The following DSE variants were observed in gnomAD, a reference collection of about 807,000 sequenced individuals.
The protein encoded by DSE is dermatan-sulfate epimerase.
DSE carries 36 observed loss-of-function variants against 84.4 expected under a neutral mutation model. That is an observed-to-expected ratio of 0.43 (90% CI 0.33 to 0.56). The LOEUF (loss-of-function observed/expected upper bound fraction) is 0.56, where lower values mean the gene tolerates loss of function less well. DSE is among the 20% of genes least tolerant of loss of function. The pLI is 0.06. For missense variants in DSE, 862 were observed against 1,169.6 expected (o/e 0.74, Z 3.84); for synonymous variants, 410 against 430.1 (o/e 0.95, Z 0.58).
At chr6:116,404,418 A>G (rs1781788172) in intron 2 of DSE, among the ~76,000 whole-genome samples, 1 of 152,266 alleles carries the variant, frequency 6.6e-6, no homozygotes, top group African/African-American at 2.4e-5. Context: ...ATTTCCAAGC[A>G]GCAGGCTTTT....
chr6:116,371,817 C>T (rs946089397), intron 1 of DSE, among the ~76,000 whole-genome samples: 3 of 152,224 alleles, frequency 2.0e-5, no homozygotes, highest in Admixed American at 1.3e-4. Context: ...GGCTCAAGAT[C>T]TGTCGGGGCT....
intron 1 of DSE, among the ~76,000 whole-genome samples, chr6:116,391,787 A>G (rs1422327420): frequency 6.8e-6 from 1 of 147,286 alleles, no homozygotes; most frequent in East Asian, 2.0e-4. Flanking sequence ...AAAAAAAAGG[A>G]GCTCTCAGTT....
chr6:116,343,193 G>T (rs1030409145), intron 2 of DSE, among the ~76,000 whole-genome samples: 1 of 152,212 alleles, frequency 6.6e-6, no homozygotes, highest in African/African-American at 2.4e-5. Flanking sequence ...AGGCCTACCT[G>T]CCTCTGTAGA....
chr6:116,264,616 T>C (rs1772542836), intron 2 of DSE, among the ~76,000 whole-genome samples: 1 of 152,150 alleles, frequency 6.6e-6, no homozygotes, highest in Non-Finnish European at 1.5e-5. Flanking sequence ...ACTGGAGATG[T>C]GAGCCCATCC....
At chr6:116,403,458 A>G (rs1241406642) in intron 2 of DSE, among the ~76,000 whole-genome samples, 1 of 151,960 alleles carries the variant, frequency 6.6e-6, no homozygotes, top group South Asian at 2.1e-4. Context: ...AATAAAAAAT[A>G]TCAGCAATAA....
At chr6:116,264,374 A>G (rs1302450847) in intron 2 of DSE, among the ~76,000 whole-genome samples, 2 of 151,882 alleles carry the variant, frequency 1.3e-5, no homozygotes, top group Non-Finnish European at 2.9e-5. Context: ...CTATTCTACT[A>G]TTAATACCCA....
chr6:116,355,435 A>G (rs1318128796), intron 2 of DSE, among the ~76,000 whole-genome samples: 1 of 152,180 alleles, frequency 6.6e-6, no homozygotes, highest in Non-Finnish European at 1.5e-5. Flanking sequence ...TTCTACTCCA[A>G]TTAGGCCACA....
In DSE at chr6:116,299,543, TATATATATACACATAC is replaced by T. The variant is rs1379001393; in HGVS notation, c.-54+40578_-54+40593del. On this transcript the variant is annotated intron_variant, in intron 2 of 3. Coordinates refer to the DSE transcript ENST00000430252. Reference sequence around the variant, plus strand: ...ATATATATATATATATATATATATATATATATATACACATACACACACACACACACATACATATATA... The same window carrying T: ...ATATATATATATATATATATATATATACACACACACACACATACATATATA... 2.2e-3 allele frequency among the ~76,000 whole-genome samples: 61 copies of T among 27,460 alleles called. 4 individuals are homozygous for T. The highest frequency in any genetic ancestry group is 0.012 in the African/African-American group (57 of 4,758). The allele number at this position is 27,460 out of a possible 152,430, so 18.0% of individuals were successfully genotyped here.
At chr6:116,368,075 T>C (rs1178901577), upstream of DSE, among the ~76,000 whole-genome samples, 1 of 152,194 alleles carries the variant, frequency 6.6e-6, no homozygotes, top group Non-Finnish European at 1.5e-5. Flanking sequence ...AATATTACAG[T>C]AGAGCAAAGA....
chr6:116,332,284 T>A (rs1228272083), intron 2 of DSE, among the ~76,000 whole-genome samples: 1 of 152,212 alleles, frequency 6.6e-6, no homozygotes, highest in Non-Finnish European at 1.5e-5. Flanking sequence ...ACTACATTTA[T>A]ATATTGGAAG....
upstream of DSE, chr6:116,366,643 G>A (rs1203405816): frequency 1.3e-5 from 2 of 152,188 alleles, no homozygotes; most frequent in Non-Finnish European, 2.9e-5. Context: ...ATGGAGAATA[G>A]CTTTCAACTG....
intron 1 of DSE, among the ~76,000 whole-genome samples, chr6:116,385,596 A>C (rs1320199516): frequency 6.6e-6 from 1 of 152,126 alleles, no homozygotes; most frequent in East Asian, 1.9e-4. Flanking sequence ...GGGGAAGTCT[A>C]AGAAGGCAGT....
At chr6:116,337,910 T>C (rs1162054699) in intron 2 of DSE, among the ~76,000 whole-genome samples, 3 of 152,196 alleles carry the variant, frequency 2.0e-5, no homozygotes, top group African/African-American at 7.2e-5. Context: ...TTAGACTTTT[T>C]ATTCCTGCAT....
rs531085138 is a variant in DSE at position 116,441,868 on chromosome 6, G to C, written c.*4523G>C. The C allele has an allele frequency of 1.4e-3, 210 of 152,280 alleles. No individual in the cohort carries two copies. The highest frequency in any genetic ancestry group is 5.0e-3 in the African/African-American group (207 of 41,552). The allele number at this position is 152,280 out of a possible 1,614,324, so 9.4% of individuals were successfully genotyped here. ...CTACTATATGCCAAGTATTGTTTTA[G>C]GAACTGAAGATATGGTAGAGAATAG... is the stretch of plus-strand genomic sequence containing the variant. On this transcript the variant is annotated 3_prime_UTR_variant, in exon 6 of 6. Coordinates refer to ENST00000644252, the MANE Select transcript of DSE (RefSeq NM_013352.4).
intron 2 of DSE, among the ~76,000 whole-genome samples, chr6:116,407,286 A>G (rs1161907744): frequency 6.6e-6 from 1 of 152,210 alleles, no homozygotes; most frequent in Non-Finnish European, 1.5e-5. Flanking sequence ...GACTGGTTGC[A>G]TATTGATACT....
chr6:116,348,907 T>A (rs967610350), intron 2 of DSE, among the ~76,000 whole-genome samples: 8 of 150,282 alleles, frequency 5.3e-5, no homozygotes, highest in Admixed American at 4.0e-4. Flanking sequence ...TTCTCACTCA[T>A]AGGTGGGAAT....
intron 2 of DSE, among the ~76,000 whole-genome samples, chr6:116,340,846 C>T (rs1583048702): frequency 6.6e-6 from 1 of 152,250 alleles, no homozygotes; most frequent in Non-Finnish European, 1.5e-5. Flanking sequence ...GCATAGTATT[C>T]CGTGGTGTAT....
intron 1 of DSE, among the ~76,000 whole-genome samples, chr6:116,254,680 A>G (rs927065130): frequency 6.6e-6 from 1 of 152,282 alleles, no homozygotes; most frequent in Non-Finnish European, 1.5e-5. Flanking sequence ...AAACAAGTGG[A>G]CAATATTTCC....
chr6:116,437,078 TAAA>T lies in DSE; in HGVS notation c.2613_2615del (p.Lys871del). The T allele has an allele frequency of 1.2e-6, 2 of 1,613,786 alleles. No homozygotes were observed. The highest frequency in any genetic ancestry group is 2.2e-5 in the South Asian group (2 of 91,084). ...TTGCAGATGTAACATACGAGAAACA[TAAA>T]AATGGGGGCTTGATTAAAGGCCGGT... is the stretch of plus-strand genomic sequence containing the variant. On this transcript the variant is annotated inframe_deletion, in exon 6 of 6. Transcript: ENST00000644252.
Sources: gnomAD v4.1 joint callset for allele counts (sites outside exome capture counted in the v4.1 genomes callset) on GRCh38, gnomAD v4.1.1 for gene constraint, MANE v1.5 for transcripts, NCBI Gene and HGNC (gene_info 2026-07-23, HGNC 2026-07-21) for gene names.